NEBL: variants seen among roughly 807,000 people sequenced by gnomAD.
The protein encoded by NEBL is nebulette, also known as LIM and SH3 protein 2.
Under a neutral mutation model 140.2 loss-of-function variants are expected in NEBL, and 122 were observed. The ratio of observed to expected loss-of-function variants is 0.87; its 90% CI spans 0.75 to 1.01. NEBL has a LOEUF of 1.01. NEBL is among the 50% of genes least tolerant of loss of function. NEBL has a pLI of 0.00. For synonymous variants in NEBL, 436 were observed against 398.9 expected (o/e 1.09, Z -1.11); for missense variants, 1,365 against 1,231.3 (o/e 1.11, Z -1.62).
rs542126038 is a variant in NEBL at position 21,209,437 on chromosome 10, G to A, written n.349-36960C>T. Among the ~76,000 whole-genome samples, 8 of 152,280 alleles carry A rather than the reference G, an allele frequency of 5.3e-5. No individual in the cohort carries two copies. In the East Asian group the frequency reaches 1.5e-3, roughly 29 times the overall value. ...TCTGGAAAGTCTAGCCTCGGGAGAT[G>A]TGTATTTTTTCATGGATACATTGCC... On this transcript the variant is annotated intron_variant and non_coding_transcript_variant, in intron 3 of 8. Coordinates refer to the NEBL transcript ENST00000675702.
intron 2 of NEBL, among the ~76,000 whole-genome samples, chr10:21,071,672 A>C (rs1236989820): frequency 6.6e-6 from 1 of 152,202 alleles, no homozygotes; most frequent in Non-Finnish European, 1.5e-5. Flanking sequence ...TGGGATCTCC[A>C]GGATTCATCC....
At chr10:21,163,936 G>A (rs890718731) in intron 2 of NEBL, among the ~76,000 whole-genome samples, 1 of 152,174 alleles carries the variant, frequency 6.6e-6, no homozygotes, top group Non-Finnish European at 1.5e-5. Flanking sequence ...ATTAATACGG[G>A]ATTTCCAGTG....
At chr10:20,806,359 T>C (rs1373121024) in intron 26 of NEBL, among the ~76,000 whole-genome samples, 1 of 152,190 alleles carries the variant, frequency 6.6e-6, no homozygotes, top group Non-Finnish European at 1.5e-5. Context: ...CCTCCTCTTC[T>C]AAACTCTAAT....
At chr10:21,021,777 C>T (rs1175473972) in intron 2 of NEBL, among the ~76,000 whole-genome samples, 1 of 152,156 alleles carries the variant, frequency 6.6e-6, no homozygotes, top group Non-Finnish European at 1.5e-5. Context: ...TCTGTGGTAG[C>T]AATAGTGGGC....
chr10:20,826,654 T>C, intron 17 of NEBL, 115 bp from the exon 18 acceptor site: 1 of 796,092 alleles, frequency 1.3e-6, no homozygotes, highest in East Asian at 2.6e-5. Context: ...CTGCATCTAT[T>C]TATGAGTGCC....
chr10:20,957,665 A>C (rs748403471), intron 4 of NEBL, among the ~76,000 whole-genome samples: 5 of 152,146 alleles, frequency 3.3e-5, no homozygotes, highest in Non-Finnish European at 5.9e-5. Flanking sequence ...CAGACAAGCA[A>C]AACTATTTTC....
chr10:20,818,131 G>A (rs1410847371), intron 20 of NEBL, among the ~76,000 whole-genome samples: 1 of 151,964 alleles, frequency 6.6e-6, no homozygotes, highest in African/African-American at 2.4e-5. Context: ...CACCTCCCAG[G>A]GATATTATAA....
chr10:21,085,665 C>A (rs1836590316), intron 2 of NEBL, among the ~76,000 whole-genome samples: 1 of 152,060 alleles, frequency 6.6e-6, no homozygotes, highest in African/African-American at 2.4e-5. Context: ...AGAAATAAAA[C>A]AACATATATA....
intron 4 of NEBL, among the ~76,000 whole-genome samples, chr10:20,919,248 C>T (rs928834389): frequency 2.0e-5 from 3 of 152,094 alleles, no homozygotes; most frequent in African/African-American, 4.8e-5. Context: ...AATTATGCAA[C>T]GTACTGGTTG....
intron 3 of NEBL, among the ~76,000 whole-genome samples, chr10:21,225,690 C>T (rs1307853703): frequency 6.6e-6 from 1 of 152,156 alleles, no homozygotes; most frequent in Non-Finnish European, 1.5e-5. Flanking sequence ...CAAGTACTGC[C>T]TGGCCACTGC....
At chr10:21,005,176 C>G (rs1016669908) in intron 3 of NEBL, among the ~76,000 whole-genome samples, 1 of 152,214 alleles carries the variant, frequency 6.6e-6, no homozygotes, top group African/African-American at 2.4e-5. Context: ...CAGACACACA[C>G]ACACACTCAC....
intron 3 of NEBL, among the ~76,000 whole-genome samples, chr10:20,982,257 A>C (rs996828903): frequency 6.6e-6 from 1 of 152,218 alleles, no homozygotes; most frequent in Non-Finnish European, 1.5e-5. Flanking sequence ...TTTTTGACAG[A>C]TCCTCAGATG....
In NEBL at chr10:21,216,546, G is replaced by A. The variant is rs1040542145; in HGVS notation, n.348+31375C>T. Among the ~76,000 whole-genome samples, 5 of 152,216 alleles carry A rather than the reference G, an allele frequency of 3.3e-5. 1 individual carries two copies. Among genetic ancestry groups the A allele is most frequent in the Admixed American group, 3.3e-4 (5 of 15,288 alleles). On this transcript the variant is annotated intron_variant and non_coding_transcript_variant, in intron 3 of 8. Transcript: ENST00000675702. The stretch of plus-strand genomic sequence containing the variant: ...CTAGCACTTTGGGAGGGCAAGGTAG[G>A]CGGATCATGAGGTCAGGAGTTCGAT...
chr10:21,035,638 C>T (rs1833985280), intron 2 of NEBL, among the ~76,000 whole-genome samples: 1 of 152,088 alleles, frequency 6.6e-6, no homozygotes, highest in Non-Finnish European at 1.5e-5. Flanking sequence ...CAGCTTTAAG[C>T]CTTTTCCATC....
chr10:20,822,899 T>C (rs1272890189), intron 19 of NEBL, among the ~76,000 whole-genome samples: 2 of 152,176 alleles, frequency 1.3e-5, no homozygotes, highest in Non-Finnish European at 2.9e-5. Flanking sequence ...ATAGTGTACA[T>C]TGTACCCAAC....
At chr10:21,287,923 G>GA (rs1342420295) in intron 1 of NEBL, among the ~76,000 whole-genome samples, 1 of 151,726 alleles carries the variant, frequency 6.6e-6, no homozygotes, top group Non-Finnish European at 1.5e-5. Flanking sequence ...AACCATCTCT[G>GA]AAAAAAAATA....
chr10:20,798,448 G>A (rs1222751678), intron 26 of NEBL, among the ~76,000 whole-genome samples: 1 of 152,100 alleles, frequency 6.6e-6, no homozygotes, highest in Non-Finnish European at 1.5e-5. Flanking sequence ...CTACTGTTTT[G>A]CACATGAGAC....
chr10:20,971,195 G>C (rs1336321106), intron 3 of NEBL, among the ~76,000 whole-genome samples: 1 of 151,986 alleles, frequency 6.6e-6, no homozygotes, highest in Non-Finnish European at 1.5e-5. Flanking sequence ...TTGCCAAAAT[G>C]GTAGCACTGG....
intron 14 of NEBL, among the ~76,000 whole-genome samples, chr10:20,832,390 A>G (rs1365323147): frequency 6.6e-6 from 1 of 152,078 alleles, no homozygotes; most frequent in African/African-American, 2.4e-5. Context: ...GAATTTCTCT[A>G]CTATTCAATC....
Sources: gnomAD v4.1 joint callset for allele counts (sites outside exome capture counted in the v4.1 genomes callset) on GRCh38, gnomAD v4.1.1 for gene constraint, MANE v1.5 for transcripts, NCBI Gene and HGNC (gene_info 2026-07-23, HGNC 2026-07-21) for gene names.